Variants in BAALC observed in about 807,000 individuals in gnomAD.
The protein encoded by BAALC is BAALC binder of MAP3K1 and KLF4, also known as brain and acute leukemia cytoplasmic protein.
In BAALC, 9 loss-of-function variants were observed where a neutral mutation model predicts 15.5. The observed-to-expected ratio is 0.58, with a 90% confidence interval of 0.35 to 1.02. BAALC has a LOEUF of 1.02. Ranked by LOEUF, BAALC falls within the 50% of genes least tolerant of loss-of-function variation. The pLI is 0.02. For missense variants in BAALC, 201 were observed against 192.4 expected (o/e 1.04, Z -0.27); for synonymous variants, 80 against 74.6 (o/e 1.07, Z -0.37).
intron 2 of BAALC, among the ~76,000 whole-genome samples, chr8:103,222,035 G>A (rs1234075919): frequency 6.6e-6 from 1 of 152,226 alleles, no homozygotes; most frequent in Non-Finnish European, 1.5e-5. Context: ...CAGGTGGCGG[G>A]TGGGGGGCTT....
chr8:103,173,635 A>T (rs539646512), intron 1 of BAALC, among the ~76,000 whole-genome samples: 44 of 152,352 alleles, frequency 2.9e-4, no homozygotes, highest in African/African-American at 9.1e-4. Context: ...AGTGTCTGGC[A>T]TGTAGTAGGT....
intron 1 of BAALC, among the ~76,000 whole-genome samples, chr8:103,166,645 C>T (rs1811355220): frequency 6.6e-6 from 1 of 152,084 alleles, no homozygotes; most frequent in African/African-American, 2.4e-5. Flanking sequence ...TTGAAAACCT[C>T]CAGAATGCTT....
chr8:103,176,540 G>A (rs1420539857), intron 1 of BAALC, among the ~76,000 whole-genome samples: 2 of 151,950 alleles, frequency 1.3e-5, no homozygotes, highest in African/African-American at 4.8e-5. Flanking sequence ...GAAACACACC[G>A]ATCTTGCTAA....
In BAALC at chr8:103,228,027, C is replaced by G; in HGVS notation, c.366C>G (p.Val122=). Residue 122 remains valine (V), a synonymous_variant, in exon 3 of 3, where the codon GTC becomes GTG. Coordinates refer to ENST00000309982, the MANE Select transcript of BAALC (RefSeq NM_024812.3). ...CTAAGAGAATGCCTGCAAAAGAAGT[C>G]ACCATTAATGTAACAGATAGCATCC... ...RDAKRMPAKE[V]TINVTDSIQQ... The G allele has an allele frequency of 6.2e-7, 1 of 1,613,690 alleles. No homozygotes were observed. Among genetic ancestry groups the G allele is most frequent in the Non-Finnish European group, 8.5e-7 (1 of 1,179,776 alleles).
intron 2 of BAALC, among the ~76,000 whole-genome samples, chr8:103,222,105 G>A (rs1379552305): frequency 5.3e-5 from 8 of 152,172 alleles, no homozygotes. Context: ...CCTGGGATCT[G>A]CAGAAAGGAA....
chr8:103,194,825 T>C (rs771273067), intron 1 of BAALC, among the ~76,000 whole-genome samples: 2 of 152,114 alleles, frequency 1.3e-5, no homozygotes, highest in Non-Finnish European at 2.9e-5. Flanking sequence ...CCTCACATGG[T>C]GGAAGAGCAA....
intron 1 of BAALC, among the ~76,000 whole-genome samples, chr8:103,174,064 A>G (rs934013983): frequency 1.3e-5 from 2 of 152,216 alleles, no homozygotes; most frequent in Non-Finnish European, 2.9e-5. Context: ...TAGACGATCC[A>G]GAGTGTGAAA....
intron 1 of BAALC, among the ~76,000 whole-genome samples, chr8:103,204,768 T>C (rs1441877451): frequency 1.3e-5 from 2 of 152,224 alleles, no homozygotes; most frequent in African/African-American, 4.8e-5. Flanking sequence ...GTGTTTGTAA[T>C]AGCCATGCAA....
intron 1 of BAALC, among the ~76,000 whole-genome samples, chr8:103,149,600 G>T (rs1810940970): frequency 3.3e-5 from 5 of 152,100 alleles, no homozygotes; most frequent in Admixed American, 3.3e-4. Context: ...AGTTCCGGAT[G>T]GGGGGATGGG....
Position 103,141,005 on chromosome 8 carries a change from G to T in BAALC, c.108G>T (p.Pro36=). 6.6e-7 allele frequency: 1 copy of T among 1,523,966 alleles called. No homozygotes were observed. The highest frequency in any genetic ancestry group is 8.8e-7 in the Non-Finnish European group (1 of 1,136,250). 94.4% of individuals were successfully genotyped at this position (1,523,966 alleles called of 1,614,324 possible). The part of the protein sequence containing the change: ...TWLTYTDSDA[P]PSAAAPDSGP... Reference sequence around the variant, plus strand: ...TCACCTACACCGACTCGGACGCGCCGCCCAGCGCCGCCGCCCCGGACAGCG... The same window carrying T: ...TCACCTACACCGACTCGGACGCGCCTCCCAGCGCCGCCGCCCCGGACAGCG... The change falls in exon 1 of 3, where the codon CCG becomes CCT. Residue 36 remains proline (P), a synonymous_variant. Coordinates refer to ENST00000309982, the MANE Select transcript of BAALC (RefSeq NM_024812.3).
intron 1 of BAALC, among the ~76,000 whole-genome samples, chr8:103,200,234 CTT>C (rs1322876695): frequency 6.6e-6 from 1 of 152,164 alleles, no homozygotes; most frequent in East Asian, 1.9e-4. Context: ...AAAAAGGACA[CTT>C]ATATACTGTT....
intron 2 of BAALC, among the ~76,000 whole-genome samples, chr8:103,225,528 AGCAGG>A (rs1178308005): frequency 6.6e-6 from 1 of 152,208 alleles, no homozygotes; most frequent in Non-Finnish European, 1.5e-5. Context: ...TAATGGAGGA[AGCAGG>A]GCAGGGCAGG....
intron 1 of BAALC, among the ~76,000 whole-genome samples, chr8:103,179,525 C>T (rs1400953710): frequency 6.6e-6 from 1 of 152,230 alleles, no homozygotes; most frequent in African/African-American, 2.4e-5. Flanking sequence ...AGAACAGGAT[C>T]CTTAGAGATT....
intron 1 of BAALC, among the ~76,000 whole-genome samples, chr8:103,154,920 C>CTATATATATATATA (rs56402841): frequency 1.5e-5 from 2 of 129,976 alleles, no homozygotes; most frequent in African/African-American, 5.5e-5. Context: ...CTATCTCAAG[C>CTATATATATATATA]TATATATATA....
intron 1 of BAALC, among the ~76,000 whole-genome samples, chr8:103,191,614 C>T (rs1811970327): frequency 6.6e-6 from 1 of 152,052 alleles, no homozygotes; most frequent in Admixed American, 6.6e-5. Context: ...ACTTCTGGTT[C>T]AAAATGGAAT....
Position 103,159,430 on chromosome 8 carries a change from C to G in BAALC, c.160+18373C>G, listed in dbSNP as rs143378116. Reference sequence around the variant, plus strand: ...TATAAAGAATAACTTTTCCCCACATCCTTTTTGGCTTTCCTGAAAAGTCTG... The same window carrying G: ...TATAAAGAATAACTTTTCCCCACATGCTTTTTGGCTTTCCTGAAAAGTCTG... On this transcript the variant is annotated intron_variant, in intron 1 of 2. Transcript: ENST00000309982. Among the ~76,000 whole-genome samples the G allele has an allele frequency of 1.0e-3, 153 of 152,294 alleles. 1 individual carries two copies. Among genetic ancestry groups the G allele is most frequent in the African/African-American group, 3.5e-3 (147 of 41,570 alleles).
At chr8:103,216,918 A>G (rs1352033126) in intron 2 of BAALC, among the ~76,000 whole-genome samples, 2 of 152,234 alleles carry the variant, frequency 1.3e-5, no homozygotes, top group Admixed American at 1.3e-4. Flanking sequence ...AGACTCAGAT[A>G]TAGCTAGGGA....
intron 2 of BAALC, among the ~76,000 whole-genome samples, chr8:103,224,117 G>C (rs1175129319): frequency 3.2e-5 from 1 of 31,686 alleles, no homozygotes; most frequent in Admixed American, 2.3e-4. Context: ...GCGTGCGTCT[G>C]TGTGTGTGTG....
chr8:103,159,714 T>C (rs1811179140), intron 1 of BAALC, among the ~76,000 whole-genome samples: 1 of 152,188 alleles, frequency 6.6e-6, no homozygotes, highest in Non-Finnish European at 1.5e-5. Context: ...AGTCCTGGCT[T>C]TCTGGTATGG....
Sources: gnomAD v4.1 joint callset for allele counts (sites outside exome capture counted in the v4.1 genomes callset) on GRCh38, gnomAD v4.1.1 for gene constraint, MANE v1.5 for transcripts, NCBI Gene and HGNC (gene_info 2026-07-23, HGNC 2026-07-21) for gene names.